Variants in COL11A1 observed in about 807,000 individuals in gnomAD.
The protein encoded by COL11A1 is collagen alpha-1(XI) chain.
In COL11A1, 74 loss-of-function variants were observed where a neutral mutation model predicts 265.2. That is an observed-to-expected ratio of 0.28 (90% CI 0.23 to 0.34). The LOEUF (loss-of-function observed/expected upper bound fraction) is 0.34, where lower values mean the gene tolerates loss of function less well. Among genes scored for constraint, COL11A1 ranks in the 10% least tolerant of loss-of-function variants. COL11A1 has a pLI of 1.00. For synonymous variants in COL11A1, 816 were observed against 727.6 expected (o/e 1.12, Z -1.96); for missense variants, 2,165 against 2,263.6 (o/e 0.96, Z 0.88).
intron 4 of COL11A1, among the ~76,000 whole-genome samples, chr1:103,046,014 AT>A (rs1669233424): frequency 1.3e-5 from 2 of 151,178 alleles, no homozygotes; most frequent in Admixed American, 1.3e-4. Flanking sequence ...AATCCAGTCT[AT>A]CGTTGTTGGA....
intron 54 of COL11A1, among the ~76,000 whole-genome samples, chr1:102,901,599 A>C (rs1345905311): frequency 6.6e-6 from 1 of 152,206 alleles, no homozygotes; most frequent in Non-Finnish European, 1.5e-5. Context: ...AGGGGCAGAA[A>C]CTTAATCTGG....
intron 4 of COL11A1, among the ~76,000 whole-genome samples, chr1:103,040,186 C>G (rs1351839494): frequency 1.3e-5 from 2 of 151,682 alleles, no homozygotes; most frequent in African/African-American, 4.8e-5. Context: ...TGTAATCCTA[C>G]TTCATGTCGA....
chr1:102,934,498 T>A lies in COL11A1; in HGVS notation c.3551A>T (p.Asp1184Val). The change falls in exon 46 of 67, where the codon GAT becomes GTT. Residue 1184 changes from aspartate (D) to valine (V), a missense_variant. Transcript: ENST00000370096. Reference protein sequence around the residue: ...GQQGMFGQKGDEGARGFPGPP... With the variant: ...GQQGMFGQKGVEGARGFPGPP... ...TCCAGGGAAGCCTCTGGCACCCTCA[T>A]CACCTTTTTGCCCAAACATCCCCTG... 1 of 1,614,168 alleles carries A rather than the reference T, an allele frequency of 6.2e-7. No individual in the cohort carries two copies. The highest frequency in any genetic ancestry group is 8.5e-7 in the Non-Finnish European group (1 of 1,180,024).
intron 54 of COL11A1, among the ~76,000 whole-genome samples, chr1:102,901,546 T>C (rs563159595): frequency 3.4e-4 from 52 of 152,184 alleles, no homozygotes; most frequent in African/African-American, 1.2e-3. Flanking sequence ...TACGGACAAA[T>C]TGTTGTCCCA....
rs535457429 is a variant in COL11A1 at position 102,929,530 on chromosome 1, C to T, written c.3600+4919G>A. Among the ~76,000 whole-genome samples the T allele has an allele frequency of 9.3e-4, 141 of 152,140 alleles. 1 individual carries two copies. The Middle Eastern group carries it at 0.01, about 11-fold the overall frequency. ...TAGTTTGAAGTCAGGTAGTGTAATG[C>T]CTCCAGCTTTGTTTTTTTGGCTTAG... On this transcript the variant is annotated intron_variant, in intron 46 of 66. Transcript: ENST00000370096.
chr1:103,100,081 A>T (rs1377059329), intron 1 of COL11A1: 1 of 151,912 alleles, frequency 6.6e-6, no homozygotes, highest in Non-Finnish European at 1.5e-5. Context: ...CACAGTCACT[A>T]CCCACCCAGG....
At chr1:103,013,645 A>G (rs529789917) in intron 13 of COL11A1, among the ~76,000 whole-genome samples, 5 of 151,940 alleles carry the variant, frequency 3.3e-5, no homozygotes, top group Non-Finnish European at 7.4e-5. Flanking sequence ...TTGAGGATGA[A>G]TTACAATTTT....
intron 4 of COL11A1, among the ~76,000 whole-genome samples, chr1:103,061,786 T>C (rs1218311717): frequency 6.6e-6 from 1 of 151,578 alleles, no homozygotes; most frequent in Non-Finnish European, 1.5e-5. Flanking sequence ...CCTAAGAATC[T>C]AAACAAAAAA....
chr1:102,972,972 ATGTC>A (rs753887677), intron 36 of COL11A1, among the ~76,000 whole-genome samples: 10 of 152,018 alleles, frequency 6.6e-5, no homozygotes, highest in Non-Finnish European at 1.0e-4. Flanking sequence ...ATATATATAT[ATGTC>A]TGTGTGAATA....
intron 37 of COL11A1, among the ~76,000 whole-genome samples, chr1:102,967,671 T>C (rs1661578948): frequency 6.6e-6 from 1 of 152,186 alleles, no homozygotes; most frequent in Non-Finnish European, 1.5e-5. Context: ...TACCTTTTTC[T>C]GAATAGCCAC....
At chr1:103,030,246 A>G (rs910144489) in intron 5 of COL11A1, among the ~76,000 whole-genome samples, 1 of 152,064 alleles carries the variant, frequency 6.6e-6, no homozygotes, top group Non-Finnish European at 1.5e-5. Context: ...TGTTTTTTAA[A>G]CAAAAACTAA....
chr1:102,984,091 T>C (rs753575778), intron 31 of COL11A1, 47 bp downstream of exon 31: 5 of 1,279,290 alleles, frequency 3.9e-6, no homozygotes, highest in Non-Finnish European at 5.7e-6. Flanking sequence ...GTGATTAATA[T>C]TATCTTCACG....
At chr1:103,066,744 A>G (rs1044697146) in intron 4 of COL11A1, among the ~76,000 whole-genome samples, 1 of 151,928 alleles carries the variant, frequency 6.6e-6, no homozygotes, top group African/African-American at 2.4e-5. Context: ...AAAAGGCAGA[A>G]ATTTATAGAG....
intron 46 of COL11A1, among the ~76,000 whole-genome samples, chr1:102,925,171 G>A (rs1358865342): frequency 2.0e-5 from 3 of 152,002 alleles, no homozygotes; most frequent in East Asian, 1.9e-4. Context: ...TTGACTGTGA[G>A]CCACTGTGAA....
chr1:103,014,139 C>A (rs909382857), intron 13 of COL11A1, among the ~76,000 whole-genome samples: 2 of 151,730 alleles, frequency 1.3e-5, no homozygotes, highest in Admixed American at 6.6e-5. Context: ...AAATTTTATT[C>A]TCTTAATTAT....
intron 30 of COL11A1, among the ~76,000 whole-genome samples, chr1:102,987,375 T>TC (rs1354658952): frequency 6.6e-6 from 1 of 151,706 alleles, no homozygotes; most frequent in Non-Finnish European, 1.5e-5. Flanking sequence ...TTCTTGCTTT[T>TC]TTTTTTTTAA....
Position 102,959,433 on chromosome 1 carries a change from T to C in COL11A1, c.3168+2433A>G, listed in dbSNP as rs551837625. Among the ~76,000 whole-genome samples, 258 of 144,906 alleles carry C rather than the reference T, an allele frequency of 1.8e-3. 1 individual carries two copies. Among genetic ancestry groups the C allele is most frequent in the Middle Eastern group, 0.011 (3 of 282 alleles). Reference sequence around the variant, plus strand: ...TCTTCAACGATTTTGTAATCTGCACTCTGTGAAGCCAAGTTCGAGGGTCAC... The same window carrying C: ...TCTTCAACGATTTTGTAATCTGCACCCTGTGAAGCCAAGTTCGAGGGTCAC... On this transcript the variant is annotated intron_variant, in intron 41 of 66. Transcript: ENST00000370096.
At chr1:102,995,945 A>T (rs759077225) in intron 27 of COL11A1, 37 bp from the exon 28 acceptor site, 1 of 1,611,690 alleles carries the variant, frequency 6.2e-7, no homozygotes, top group Non-Finnish European at 8.5e-7. Context: ...TGAATATAAC[A>T]TTTCACTTTG....
chr1:103,071,253 A>AC (rs1671561610), intron 4 of COL11A1, among the ~76,000 whole-genome samples: 1 of 151,886 alleles, frequency 6.6e-6, no homozygotes, highest in Admixed American at 6.6e-5. Flanking sequence ...TATTTTAAAA[A>AC]ATTAGGAAAC....
Sources: gnomAD v4.1 joint callset for allele counts (sites outside exome capture counted in the v4.1 genomes callset) on GRCh38, gnomAD v4.1.1 for gene constraint, MANE v1.5 for transcripts, NCBI Gene and HGNC (gene_info 2026-07-23, HGNC 2026-07-21) for gene names.